Variants in PGM1 observed in about 807,000 individuals in gnomAD.
PGM1 encodes the protein phosphoglucomutase 1.
PGM1 carries 52 observed loss-of-function variants against 55.6 expected under a neutral mutation model. The observed-to-expected ratio is 0.94, with a 90% CI of 0.75 to 1.18. PGM1 has a LOEUF of 1.18. Among genes scored for constraint, PGM1 ranks in the 50% most tolerant of loss-of-function variants. The pLI is 0.00. For synonymous variants in PGM1, 287 were observed against 271.7 expected, an observed-to-expected ratio of 1.06 and a Z score of -0.55; for missense variants, 724 against 729.3, an observed-to-expected ratio of 0.99 and a Z score of 0.08.
At chr1:63,624,712 A>G (rs1490100821) in intron 1 of PGM1, among the ~76,000 whole-genome samples, 3 of 152,226 alleles carry the variant, frequency 2.0e-5, no homozygotes. Context: ...CTTGGTAGAT[A>G]AAATGTAGTA....
Position 63,634,925 on chromosome 1 carries a change from A to C in PGM1, c.779A>C (p.His260Pro), listed in dbSNP as rs746874541. ...NCVPLEDFGGHHPDPNLTYAA... is the reference protein window; with the variant it reads ...NCVPLEDFGGPHPDPNLTYAA... ...GTTCCTCTGGAGGACTTTGGAGGCC[A>C]CCACCCTGACCCCAACCTCACCTAT... is the stretch of plus-strand genomic sequence containing the variant. Residue 260 changes from histidine to proline, a missense_variant, in exon 5 of 11, where the codon CAC (histidine) becomes CCC (proline). His to Pro is a moderately conservative substitution (Grantham distance 77). This residue lies in a region of PGM1 where 379 missense variants were observed against 357.5 expected (regional missense o/e 1.06). Coordinates refer to ENST00000371084, the MANE Select transcript of PGM1 (RefSeq NM_002633.3). The C allele has an allele frequency of 3.1e-6, 5 of 1,614,004 alleles. No homozygotes were observed. Among genetic ancestry groups the C allele is most frequent in the South Asian group, 2.2e-5 (2 of 91,080 alleles).
intron 1 of PGM1, among the ~76,000 whole-genome samples, chr1:63,608,796 C>G (rs1182560769): frequency 6.6e-6 from 1 of 152,188 alleles, no homozygotes; most frequent in Non-Finnish European, 1.5e-5. Context: ...GTGGTCAAAT[C>G]CATGAGAAAA....
chr1:63,603,681 T>G (rs185166014), intron 1 of PGM1, among the ~76,000 whole-genome samples: 5 of 152,290 alleles, frequency 3.3e-5, no homozygotes, highest in Admixed American at 3.3e-4. Context: ...AAGATGAAAC[T>G]TCAGTCAAAA....
intron 8 of PGM1, among the ~76,000 whole-genome samples, chr1:63,651,188 G>A (rs1176979068): frequency 6.6e-6 from 1 of 152,154 alleles, no homozygotes; most frequent in Non-Finnish European, 1.5e-5. Context: ...ACTCTGCTTA[G>A]TCAAAATCTC....
intron 1 of PGM1, among the ~76,000 whole-genome samples, chr1:63,627,053 ACCCC>A (rs56944675): frequency 5.4e-5 from 5 of 93,176 alleles, no homozygotes; most frequent in East Asian, 4.4e-4. Context: ...ATATGGCAGG[ACCCC>A]CCCCCCCCCA....
chr1:63,638,144 C>T (rs1649410463), intron 6 of PGM1, among the ~76,000 whole-genome samples: 1 of 152,148 alleles, frequency 6.6e-6, no homozygotes, highest in Non-Finnish European at 1.5e-5. Context: ...CTGGGCGTTT[C>T]CCCTGGGGAG....
intron 6 of PGM1, among the ~76,000 whole-genome samples, chr1:63,636,797 T>C (rs1051370600): frequency 5.3e-5 from 8 of 152,220 alleles, no homozygotes; most frequent in Admixed American, 1.3e-4. Flanking sequence ...TAGTTGAGTG[T>C]TAATGAATAA....
Position 63,593,488 on chromosome 1 carries a change from C to G in PGM1, c.-1C>G. 4 of 1,613,694 alleles carry G rather than the reference C, an allele frequency of 2.5e-6. No homozygotes were observed. The highest frequency in any genetic ancestry group is 3.4e-6 in the Non-Finnish European group (4 of 1,179,912). ...CTGACCCCCGGCAGCAAGTCGCCAC[C>G]ATGGTGAAGATCGTGACAGTTAAGA... On this transcript the variant is annotated 5_prime_UTR_variant, in exon 1 of 11. Coordinates refer to ENST00000371084, the MANE Select transcript of PGM1 (RefSeq NM_002633.3).
At chr1:63,615,921 T>C (rs1570481931) in intron 1 of PGM1, among the ~76,000 whole-genome samples, 1 of 152,070 alleles carries the variant, frequency 6.6e-6, no homozygotes. Context: ...AGGGAGCCCA[T>C]AGAGTTGTGC....
chr1:63,613,146 C>T (rs1311785156), intron 1 of PGM1, among the ~76,000 whole-genome samples: 1 of 151,636 alleles, frequency 6.6e-6, no homozygotes, highest in East Asian at 1.9e-4. Flanking sequence ...AGAAACCAAA[C>T]ACTCTGAGGC....
chr1:63,626,409 C>T (rs1342234127), intron 1 of PGM1, among the ~76,000 whole-genome samples: 1 of 152,134 alleles, frequency 6.6e-6, no homozygotes, highest in Admixed American at 6.6e-5. Context: ...AACCTCTGTA[C>T]TACTTTCTGT....
At chr1:63,647,790 C>G (rs1649695203) in intron 7 of PGM1, among the ~76,000 whole-genome samples, 1 of 152,128 alleles carries the variant, frequency 6.6e-6, no homozygotes, top group African/African-American at 2.4e-5. Context: ...ATTAAGCTAC[C>G]AGACTATTTG....
chr1:63,609,772 A>G (rs933876887), intron 1 of PGM1, among the ~76,000 whole-genome samples: 2 of 152,222 alleles, frequency 1.3e-5, no homozygotes, highest in African/African-American at 4.8e-5. Flanking sequence ...ATTACACGAG[A>G]TCTTCCAACA....
chr1:63,594,756 A>T (rs1278671695), intron 1 of PGM1, among the ~76,000 whole-genome samples: 1 of 148,318 alleles, frequency 6.7e-6, no homozygotes, highest in East Asian at 2.0e-4. Context: ...ATTCTGGCTA[A>T]CACGGTGAAA....
intron 1 of PGM1, among the ~76,000 whole-genome samples, chr1:63,609,244 G>A (rs1300626093): frequency 6.6e-6 from 1 of 152,212 alleles, no homozygotes; most frequent in African/African-American, 2.4e-5. Flanking sequence ...AGCTAAGGAT[G>A]GATATTTCAG....
At position 63,602,644 on chromosome 1, in the gene PGM1, G is replaced by A. The variant is rs530849833; in HGVS notation, c.246+8910G>A. On this transcript the variant is annotated intron_variant, in intron 1 of 10. Coordinates refer to ENST00000371084, the MANE Select transcript of PGM1 (RefSeq NM_002633.3). The stretch of plus-strand genomic sequence containing the variant: ...TGTTGCTCAAGAGTGAATTGAAATG[G>A]CTACTACATTGTGTGAGTCCGGAGG... 2.6e-5 allele frequency among the ~76,000 whole-genome samples: 4 copies of A among 152,120 alleles called. No homozygotes were observed. The South Asian group carries it at 6.2e-4, about 24-fold the overall frequency.
chr1:63,604,251 A>T (rs191551900), intron 1 of PGM1, among the ~76,000 whole-genome samples: 109 of 152,350 alleles, frequency 7.2e-4, no homozygotes, highest in African/African-American at 2.6e-3. Context: ...CAGACACTCA[A>T]AACAACAGTG....
intron 1 of PGM1, among the ~76,000 whole-genome samples, chr1:63,607,990 C>A (rs1648468403): frequency 6.6e-6 from 1 of 152,214 alleles, no homozygotes; most frequent in South Asian, 2.1e-4. Context: ...TGAGATTTGT[C>A]ATGACTGAGG....
chr1:63,628,512 A>G (rs980236264), intron 1 of PGM1, among the ~76,000 whole-genome samples: 6 of 152,208 alleles, frequency 3.9e-5, no homozygotes, highest in African/African-American at 1.2e-4. Context: ...ATCTTCCACC[A>G]TCAAGTTGTT....
Sources: allele counts gnomAD v4.1 joint callset (sites outside exome capture counted in the v4.1 genomes callset), GRCh38; gene constraint gnomAD v4.1.1; regional missense constraint gnomAD v4.1.1; transcripts MANE v1.5; gene names NCBI Gene and HGNC (gene_info 2026-07-23, HGNC 2026-07-21).